Variants in PTPRD observed in about 807,000 individuals in gnomAD.
PTPRD encodes the protein protein tyrosine phosphatase receptor type D.
Under a neutral mutation model 214.5 loss-of-function variants are expected in PTPRD, and 34 were observed. The ratio of observed to expected loss-of-function variants is 0.16; its 90% confidence interval spans 0.12 to 0.21. PTPRD has a LOEUF of 0.21. PTPRD is among the 10% of genes least tolerant of loss of function. The probability of loss-of-function intolerance (pLI) is 1.00; values close to 1 mark genes in which losing one functional copy is unlikely to be tolerated. For missense variants in PTPRD, 2,545 were observed against 2,398.7 expected (o/e 1.06, Z -1.27); for synonymous variants, 1,128 against 845.7 (o/e 1.33, Z -5.79).
intron 8 of PTPRD, among the ~76,000 whole-genome samples, chr9:9,522,959 G>C (rs1437587071): frequency 6.6e-6 from 1 of 152,158 alleles, no homozygotes; most frequent in Middle Eastern, 3.4e-3. Context: ...AAGCCTAAGG[G>C]TCCGACCATC....
At chr9:10,441,758 A>G (rs1224871950) in intron 2 of PTPRD, among the ~76,000 whole-genome samples, 1 of 151,692 alleles carries the variant, frequency 6.6e-6, no homozygotes, top group East Asian at 1.9e-4. Context: ...AAATAAATAA[A>G]TGAATGAGTG....
intron 11 of PTPRD, among the ~76,000 whole-genome samples, chr9:8,962,353 G>A (rs1239412072): frequency 6.6e-6 from 1 of 152,104 alleles, no homozygotes; most frequent in Admixed American, 6.6e-5. Flanking sequence ...GATTCAGAGA[G>A]GCTAATATGT....
intron 2 of PTPRD, among the ~76,000 whole-genome samples, chr9:10,454,375 T>C (rs1260530181): frequency 6.6e-6 from 1 of 151,440 alleles, no homozygotes; most frequent in African/African-American, 2.4e-5. Flanking sequence ...TGACAATACA[T>C]CTCCAGGATC....
chr9:10,271,534 C>CTT lies in PTPRD; in HGVS notation c.-545+69427_-545+69428dup, dbSNP rs1251429330. Among the ~76,000 whole-genome samples, 31 of 86,668 alleles carry CTT rather than the reference C, an allele frequency of 3.6e-4. 2 individuals are homozygous for CTT. The highest frequency in any genetic ancestry group is 6.2e-4 in the Non-Finnish European group (21 of 33,642). 56.9% of individuals were successfully genotyped at this position (86,668 alleles called of 152,430 possible). A position where few individuals can be genotyped will look rare whatever the true frequency, so the allele number is the denominator to read the frequency against. On this transcript the variant is annotated intron_variant, in intron 3 of 45. Coordinates refer to ENST00000381196, the MANE Select transcript of PTPRD (RefSeq NM_002839.4). ...CCAATACTGATAAATTCAATTGTTT[C>CTT]TTTTCTTTTCTTTTCTTTTTTTTTT...
intron 3 of PTPRD, among the ~76,000 whole-genome samples, chr9:10,279,653 C>T (rs1473065565): frequency 2.0e-5 from 3 of 151,712 alleles, no homozygotes; most frequent in Non-Finnish European, 4.4e-5. Flanking sequence ...TTATTAGGTA[C>T]CTAGGTACTA....
intron 14 of PTPRD, among the ~76,000 whole-genome samples, chr9:8,615,944 T>A (rs1002547411): frequency 6.6e-6 from 1 of 152,148 alleles, no homozygotes. Flanking sequence ...TTGAACAACA[T>A]CTTCATGGGG....
chr9:9,162,662 G>C (rs1017222014), intron 10 of PTPRD, among the ~76,000 whole-genome samples: 43 of 151,792 alleles, frequency 2.8e-4, no homozygotes, highest in African/African-American at 9.9e-4. Flanking sequence ...ATCATGCATG[G>C]TTTTTCAGCA....
intron 10 of PTPRD, among the ~76,000 whole-genome samples, chr9:9,108,271 CT>C (rs1267583383): frequency 6.6e-6 from 1 of 152,020 alleles, no homozygotes; most frequent in African/African-American, 2.4e-5. Flanking sequence ...TCATTTTCTT[CT>C]TTAAATGTAG....
At chr9:9,774,602 A>G (rs769149420) in intron 5 of PTPRD, among the ~76,000 whole-genome samples, 17 of 152,158 alleles carry the variant, frequency 1.1e-4, no homozygotes, top group Non-Finnish European at 2.4e-4. Context: ...CCTATAAAAC[A>G]TTCTTTCTAT....
chr9:8,794,509 ATT>A (rs5896260), intron 11 of PTPRD, among the ~76,000 whole-genome samples: 159 of 131,660 alleles, frequency 1.2e-3, no homozygotes, highest in African/African-American at 2.8e-3. Context: ...CACAGAAGCC[ATT>A]TTTTTTTTTT....
intron 12 of PTPRD, among the ~76,000 whole-genome samples, chr9:8,707,194 G>A (rs530100312): frequency 6.6e-6 from 1 of 152,268 alleles, no homozygotes; most frequent in African/African-American, 2.4e-5. Context: ...GTATATTACG[G>A]AACTGCCAGG....
intron 34 of PTPRD, among the ~76,000 whole-genome samples, chr9:8,444,423 A>C (rs2095650631): frequency 6.6e-6 from 1 of 152,186 alleles, no homozygotes; most frequent in Admixed American, 6.5e-5. Flanking sequence ...AAATAACTAC[A>C]TACACAAATT....
chr9:8,832,881 T>G (rs954990453), intron 11 of PTPRD, among the ~76,000 whole-genome samples: 2 of 151,974 alleles, frequency 1.3e-5, no homozygotes, highest in Non-Finnish European at 2.9e-5. Context: ...GAACAAAAAA[T>G]AATATCTGAA....
intron 8 of PTPRD, among the ~76,000 whole-genome samples, chr9:9,539,789 A>G (rs2077219854): frequency 6.6e-6 from 1 of 151,898 alleles, no homozygotes; most frequent in Non-Finnish European, 1.5e-5. Context: ...GCATATAGGA[A>G]AAGCATTTCC....
intron 11 of PTPRD, among the ~76,000 whole-genome samples, chr9:8,813,901 T>C (rs1229870570): frequency 6.6e-6 from 1 of 152,212 alleles, no homozygotes; most frequent in Non-Finnish European, 1.5e-5. Context: ...TGGTCCACCA[T>C]TTTCCCCTCT....
intron 11 of PTPRD, among the ~76,000 whole-genome samples, chr9:8,812,912 C>G (rs7866773): frequency 0.084 from 12,810 of 151,938 alleles, 1,337 homozygotes; most frequent in African/African-American, 0.24. Flanking sequence ...AATCTAATCT[C>G]TCCTGATGGA....
At chr9:8,666,423 GA>G (rs1205836727) in intron 12 of PTPRD, among the ~76,000 whole-genome samples, 3 of 151,890 alleles carry the variant, frequency 2.0e-5, no homozygotes, top group Non-Finnish European at 2.9e-5. Flanking sequence ...ATGTGAAAGG[GA>G]AAAAAAGAGA....
intron 11 of PTPRD, among the ~76,000 whole-genome samples, chr9:8,765,452 C>A (rs2094660989): frequency 1.3e-5 from 2 of 152,204 alleles, no homozygotes; most frequent in African/African-American, 2.4e-5. Flanking sequence ...CCGTGGACAG[C>A]CCCACATGGT....
At chr9:9,253,190 C>T (rs2099976182) in intron 9 of PTPRD, among the ~76,000 whole-genome samples, 2 of 151,974 alleles carry the variant, frequency 1.3e-5, no homozygotes, top group African/African-American at 2.4e-5. Flanking sequence ...TTCAGGTATG[C>T]AACATCCCAG....
Sources: allele counts gnomAD v4.1 joint callset (sites outside exome capture counted in the v4.1 genomes callset), GRCh38; gene constraint gnomAD v4.1.1; transcripts MANE v1.5; gene names NCBI Gene and HGNC (gene_info 2026-07-23, HGNC 2026-07-21).